Variants in TSPAN12 observed in about 807,000 individuals in gnomAD.
TSPAN12 encodes tetraspanin-12.
In TSPAN12, 19 loss-of-function variants were observed where a neutral mutation model predicts 39.2. The observed-to-expected ratio is 0.49, with a 90% CI of 0.34 to 0.71. The LOEUF (loss-of-function observed/expected upper bound fraction) is 0.71. TSPAN12 is among the 30% of genes least tolerant of loss of function. TSPAN12 has a pLI of 0.01. For missense variants in TSPAN12, 314 were observed against 359.9 expected, an observed-to-expected ratio of 0.87 and a Z score of 1.03; for synonymous variants, 119 against 124.8, an observed-to-expected ratio of 0.95 and a Z score of 0.31.
chr7:120,848,884 A>G (rs928372500), intron 2 of TSPAN12, among the ~76,000 whole-genome samples: 17 of 152,254 alleles, frequency 1.1e-4, no homozygotes, highest in South Asian at 2.1e-4. Flanking sequence ...GCCTATAGCA[A>G]GAAACTGAAC....
intron 4 of TSPAN12, among the ~76,000 whole-genome samples, chr7:120,827,012 T>A (rs1412295280): frequency 6.6e-6 from 1 of 152,142 alleles, no homozygotes; most frequent in African/African-American, 2.4e-5. Context: ...CGTGAGCCAT[T>A]ACACCCCACC....
chr7:120,821,245 T>A (rs975699845), intron 4 of TSPAN12, among the ~76,000 whole-genome samples: 1 of 152,002 alleles, frequency 6.6e-6, no homozygotes, highest in Non-Finnish European at 1.5e-5. Context: ...TGAAAAAAAA[T>A]TGCATCTAAC....
intron 2 of TSPAN12, among the ~76,000 whole-genome samples, chr7:120,853,629 C>CT (rs1794813095): frequency 6.6e-6 from 1 of 150,538 alleles, no homozygotes; most frequent in South Asian, 2.1e-4. Context: ...AATCCCAGCA[C>CT]TTTGAGAGGC....
intron 6 of TSPAN12, among the ~76,000 whole-genome samples, chr7:120,809,459 T>C (rs1444454306): frequency 6.6e-6 from 1 of 152,176 alleles, no homozygotes; most frequent in Non-Finnish European, 1.5e-5. Context: ...TGTGTTACAA[T>C]GATAATTTTT....
intron 2 of TSPAN12, among the ~76,000 whole-genome samples, chr7:120,856,304 T>G (rs1300340375): frequency 6.6e-6 from 1 of 152,160 alleles, no homozygotes; most frequent in African/African-American, 2.4e-5. Context: ...TTGGCCCAAC[T>G]AGATTTTACA....
chr7:120,850,874 G>C (rs889304330), intron 2 of TSPAN12, among the ~76,000 whole-genome samples: 1 of 152,064 alleles, frequency 6.6e-6, no homozygotes, highest in South Asian at 2.1e-4. Context: ...ATTTTTAGTA[G>C]AGACAGGGTT....
intron 3 of TSPAN12, among the ~76,000 whole-genome samples, chr7:120,839,760 T>C (rs1428140730): frequency 6.6e-6 from 1 of 152,190 alleles, no homozygotes; most frequent in Non-Finnish European, 1.5e-5. Flanking sequence ...ACCTATGACA[T>C]GGCTGATGCA....
At chr7:120,801,211 C>G (rs1051602060) in intron 7 of TSPAN12, among the ~76,000 whole-genome samples, 5 of 152,062 alleles carry the variant, frequency 3.3e-5, no homozygotes, top group African/African-American at 1.2e-4. Context: ...GCACTGGTAA[C>G]CCATACACAT....
chr7:120,825,977 T>G (rs1794279004), intron 4 of TSPAN12, among the ~76,000 whole-genome samples: 1 of 152,154 alleles, frequency 6.6e-6, no homozygotes, highest in Admixed American at 6.5e-5. Context: ...AGACCAATGG[T>G]TAAAGAAATA....
chr7:120,848,029 C>T (rs975281849), intron 2 of TSPAN12, among the ~76,000 whole-genome samples: 3 of 152,146 alleles, frequency 2.0e-5, no homozygotes, highest in African/African-American at 7.2e-5. Flanking sequence ...ACTGCTTGCA[C>T]ATCTCCAAAA....
chr7:120,808,039 A>C (rs1391830207), intron 6 of TSPAN12, among the ~76,000 whole-genome samples: 3 of 152,080 alleles, frequency 2.0e-5, no homozygotes, highest in Non-Finnish European at 4.4e-5. Context: ...TAAACAAGGA[A>C]AGGTTAACTT....
At chr7:120,795,812 G>A (rs960399137) in intron 7 of TSPAN12, among the ~76,000 whole-genome samples, 2 of 152,012 alleles carry the variant, frequency 1.3e-5, no homozygotes, top group Admixed American at 1.3e-4. Context: ...AGCTCTGCAG[G>A]GAAATAATGC....
rs1249219283 is a variant in TSPAN12 at position 120,788,561 on chromosome 7, A to T, written c.*31T>A. 6.2e-7 allele frequency: 1 copy of T among 1,613,608 alleles called. No homozygotes were observed. Among genetic ancestry groups the T allele is most frequent in the East Asian group, 2.2e-5 (1 of 44,876 alleles). On this transcript the variant is annotated 3_prime_UTR_variant, in exon 8 of 8. Coordinates refer to ENST00000222747, the MANE Select transcript of TSPAN12 (RefSeq NM_012338.4). ...AAAAATTCACAAGTCCAGTAAAACA[A>T]GTTTGTGGTTTTCTTCTGTGACATT...
intron 7 of TSPAN12, among the ~76,000 whole-genome samples, chr7:120,802,164 A>C (rs1331269824): frequency 1.3e-5 from 2 of 152,212 alleles, no homozygotes; most frequent in African/African-American, 4.8e-5. Flanking sequence ...TTGCCAACTT[A>C]AACTCTGAGT....
At chr7:120,799,046 G>A (rs1793689489) in intron 7 of TSPAN12, among the ~76,000 whole-genome samples, 1 of 152,056 alleles carries the variant, frequency 6.6e-6, no homozygotes. Flanking sequence ...CACTGATGTG[G>A]GGAATCTGTT....
intron 2 of TSPAN12, among the ~76,000 whole-genome samples, chr7:120,852,442 C>T (rs1794787144): frequency 6.6e-6 from 1 of 152,180 alleles, no homozygotes; most frequent in Non-Finnish European, 1.5e-5. Context: ...GTTTGTTCTA[C>T]TTGTAATTCC....
intron 4 of TSPAN12, among the ~76,000 whole-genome samples, chr7:120,828,090 G>C (rs1486682754): frequency 6.6e-6 from 1 of 152,100 alleles, no homozygotes; most frequent in Admixed American, 6.6e-5. Context: ...CCCCACATGA[G>C]TACCTTTATT....
chr7:120,788,816 C>A lies in TSPAN12; in HGVS notation c.694G>T (p.Val232Leu). 1 of 1,614,134 alleles carries A rather than the reference C, an allele frequency of 6.2e-7. No individual in the cohort carries two copies. Residue 232 changes from valine to leucine, a missense_variant, in exon 8 of 8, where the codon GTG becomes TTG. Coordinates refer to ENST00000222747, the MANE Select transcript of TSPAN12 (RefSeq NM_012338.4). ...AGAATCATGGCCAGGATTTGTGTCA[C>A]CCCAATGGAGATTCCCAGAAACCTC... is the stretch of plus-strand genomic sequence containing the variant. ...VLRFLGISIG[V>L]TQILAMILTI...
intron 4 of TSPAN12, among the ~76,000 whole-genome samples, chr7:120,819,238 G>A (rs992250649): frequency 6.6e-6 from 1 of 152,146 alleles, no homozygotes; most frequent in Non-Finnish European, 1.5e-5. Context: ...AACAGGAAAT[G>A]CCCTGACTTT....
Sources: allele counts gnomAD v4.1 joint callset (sites outside exome capture counted in the v4.1 genomes callset), GRCh38; gene constraint gnomAD v4.1.1; transcripts MANE v1.5; gene names NCBI Gene and HGNC (gene_info 2026-07-23, HGNC 2026-07-21).